GRID2: variants seen among roughly 807,000 people sequenced by gnomAD.
The protein encoded by GRID2 is glutamate ionotropic receptor delta type subunit 2, also known as glutamate receptor ionotropic, delta-2.
GRID2 carries 33 observed loss-of-function variants against 114.8 expected under a neutral mutation model. That is an observed-to-expected ratio of 0.29 (90% CI 0.22 to 0.38). The LOEUF is 0.38. Among genes scored for constraint, GRID2 ranks in the 10% least tolerant of loss-of-function variants. GRID2 has a pLI of 1.00. For synonymous variants in GRID2, 505 were observed against 449.9 expected, an observed-to-expected ratio of 1.12 and a Z score of -1.55; for missense variants, 1,184 against 1,257.7, an observed-to-expected ratio of 0.94 and a Z score of 0.89.
chr4:92,443,167 A>G (rs996235524), intron 1 of GRID2, among the ~76,000 whole-genome samples: 50 of 152,012 alleles, frequency 3.3e-4, no homozygotes, highest in African/African-American at 8.5e-4. Context: ...CTAGGAAGGG[A>G]CTGATGTGTA....
At chr4:93,594,695 C>G (rs188403752) in intron 13 of GRID2, among the ~76,000 whole-genome samples, 1 of 152,316 alleles carries the variant, frequency 6.6e-6, no homozygotes, top group Non-Finnish European at 1.5e-5. Flanking sequence ...GCTGTGCTAG[C>G]AATCAATGAG....
At chr4:93,468,854 A>G (rs1477138100) in intron 11 of GRID2, among the ~76,000 whole-genome samples, 1 of 152,132 alleles carries the variant, frequency 6.6e-6, no homozygotes, top group African/African-American at 2.4e-5. Flanking sequence ...TGAGGATTTA[A>G]TATTTGTTTC....
At chr4:93,174,896 T>G (rs1304190456) in intron 4 of GRID2, among the ~76,000 whole-genome samples, 1 of 152,192 alleles carries the variant, frequency 6.6e-6, no homozygotes, top group Non-Finnish European at 1.5e-5. Context: ...TTGCTTCCAG[T>G]TTGGGGCTGT....
rs944233539 is a variant in GRID2, at chr4:93,260,277, A to G, written c.1245+21787A>G. Reference sequence around the variant, plus strand: ...TATAGTTTAAATTATTTTTGATTCTATATGTTATCTTTATAAGAAAAAATA... The same window carrying G: ...TATAGTTTAAATTATTTTTGATTCTGTATGTTATCTTTATAAGAAAAAATA... On this transcript the variant is annotated intron_variant, in intron 8 of 15. Coordinates refer to ENST00000282020, the MANE Select transcript of GRID2 (RefSeq NM_001510.4). Among the ~76,000 whole-genome samples, 6 of 151,568 alleles carry G rather than the reference A, an allele frequency of 4.0e-5. No individual in the cohort carries two copies. The Admixed American group carries it at 4.0e-4, about 10-fold the overall frequency.
chr4:93,524,094 A>G (rs1379984215), intron 13 of GRID2, among the ~76,000 whole-genome samples: 1 of 152,090 alleles, frequency 6.6e-6, no homozygotes. Flanking sequence ...GCAACTTGCT[A>G]ATATATTAAC....
intron 1 of GRID2, among the ~76,000 whole-genome samples, chr4:92,402,862 A>G (rs942095457): frequency 1.3e-5 from 2 of 152,156 alleles, no homozygotes; most frequent in Non-Finnish European, 2.9e-5. Flanking sequence ...CCCTCCACCT[A>G]TGAAAGTCCT....
chr4:93,495,377 T>C (rs972144056), intron 12 of GRID2, among the ~76,000 whole-genome samples: 1 of 151,848 alleles, frequency 6.6e-6, no homozygotes, highest in African/African-American at 2.4e-5. Flanking sequence ...AGCAATTTTT[T>C]TCTAAGTGTT....
At chr4:93,435,949 C>T (rs1236302623) in intron 10 of GRID2, among the ~76,000 whole-genome samples, 3 of 151,996 alleles carry the variant, frequency 2.0e-5, no homozygotes, top group African/African-American at 7.3e-5. Context: ...TTCTTTATCC[C>T]TACTTCTCTT....
chr4:93,257,989 TATATATATATACAC>T (rs70942960), intron 8 of GRID2, among the ~76,000 whole-genome samples: 73,700 of 129,976 alleles, frequency 0.57, 19,874 homozygotes, highest in Middle Eastern at 0.74. Context: ...TATATATATA[TATATATATATACAC>T]ACACACACAC....
intron 2 of GRID2, among the ~76,000 whole-genome samples, chr4:92,794,057 T>C (rs1339964511): frequency 6.6e-6 from 1 of 151,856 alleles, no homozygotes; most frequent in Non-Finnish European, 1.5e-5. Flanking sequence ...AATTGGGATT[T>C]AGCAAGAGGA....
At chr4:92,566,281 T>G (rs1332860187) in intron 1 of GRID2, among the ~76,000 whole-genome samples, 4 of 151,946 alleles carry the variant, frequency 2.6e-5, no homozygotes, top group Admixed American at 2.0e-4. Context: ...TATGGAAATA[T>G]TTCTGTTTTT....
intron 2 of GRID2, among the ~76,000 whole-genome samples, chr4:92,923,787 G>A (rs1442714488): frequency 6.6e-6 from 1 of 152,060 alleles, no homozygotes; most frequent in Non-Finnish European, 1.5e-5. Context: ...CTGCGACATT[G>A]AAATTATTCA....
At chr4:93,746,898 G>C (rs1386700098) in intron 14 of GRID2, among the ~76,000 whole-genome samples, 1 of 151,934 alleles carries the variant, frequency 6.6e-6, no homozygotes, top group Non-Finnish European at 1.5e-5. Flanking sequence ...CTTTTTTATA[G>C]ATATAAGTGT....
At chr4:92,792,134 AT>A (rs2149365256) in intron 2 of GRID2, among the ~76,000 whole-genome samples, 1 of 151,586 alleles carries the variant, frequency 6.6e-6, no homozygotes, top group East Asian at 2.0e-4. Flanking sequence ...AGCTTCCTGA[AT>A]TTTTTCAGCA....
At chr4:93,307,189 G>A (rs1386399658) in intron 8 of GRID2, among the ~76,000 whole-genome samples, 2 of 148,952 alleles carry the variant, frequency 1.3e-5, no homozygotes, top group African/African-American at 2.5e-5. Context: ...GCTACAGAGC[G>A]AGACTCCGTC....
chr4:92,458,034 G>A (rs1721301720), intron 1 of GRID2, among the ~76,000 whole-genome samples: 1 of 152,294 alleles, frequency 6.6e-6, no homozygotes, highest in South Asian at 2.1e-4. Flanking sequence ...CATGAATTGT[G>A]CATTTAGAAT....
intron 13 of GRID2, among the ~76,000 whole-genome samples, chr4:93,563,228 A>G (rs17020763): frequency 0.029 from 4,462 of 152,090 alleles, 77 homozygotes; most frequent in South Asian, 0.051. Context: ...TTATATCCCT[A>G]TCTGTCTAAA....
intron 2 of GRID2, among the ~76,000 whole-genome samples, chr4:92,668,519 C>A (rs1391984843): frequency 4.6e-5 from 7 of 151,686 alleles, no homozygotes; most frequent in African/African-American, 1.7e-4. Context: ...AAAACCCATA[C>A]CCTTACCTTA....
chr4:93,631,414 G>A (rs1720854995), intron 14 of GRID2, among the ~76,000 whole-genome samples: 1 of 152,120 alleles, frequency 6.6e-6, no homozygotes, highest in African/African-American at 2.4e-5. Flanking sequence ...CCCTTCCCGT[G>A]TCCAAGTGTT....
Sources: allele counts gnomAD v4.1 joint callset (sites outside exome capture counted in the v4.1 genomes callset), GRCh38; gene constraint gnomAD v4.1.1; transcripts MANE v1.5; gene names NCBI Gene and HGNC (gene_info 2026-07-23, HGNC 2026-07-21).